The following GPR137B variants were observed in gnomAD, a reference collection of about 807,000 sequenced individuals.
GPR137B encodes the protein integral membrane protein GPR137B.
Under a neutral mutation model 42.5 loss-of-function variants are expected in GPR137B, and 42 were observed. That is an observed-to-expected ratio of 0.99 (90% CI 0.77 to 1.28). The LOEUF (loss-of-function observed/expected upper bound fraction) is 1.28, where lower values mean the gene tolerates loss of function less well. GPR137B is among the 50% of genes most tolerant of loss of function. The pLI, the probability that GPR137B is intolerant of heterozygous loss-of-function variation, is 0.00. For synonymous variants in GPR137B, 218 were observed against 209.7 expected (o/e 1.04, Z -0.34); for missense variants, 487 against 493.9 (o/e 0.99, Z 0.13).
intron 1 of GPR137B, among the ~76,000 whole-genome samples, chr1:236,147,185 G>T (rs529390745): frequency 4.7e-4 from 72 of 152,328 alleles, no homozygotes; most frequent in Non-Finnish European, 7.9e-4. Flanking sequence ...GCTTCGAGCT[G>T]CAGGGCTTGG....
At chr1:236,174,222 A>G (rs1233667497) in intron 2 of GPR137B, among the ~76,000 whole-genome samples, 1 of 152,230 alleles carries the variant, frequency 6.6e-6, no homozygotes, top group Non-Finnish European at 1.5e-5. Flanking sequence ...CTAAGATAAT[A>G]ACAGGCTTTT....
At chr1:236,159,490 C>T (rs946453200) in intron 1 of GPR137B, among the ~76,000 whole-genome samples, 9 of 151,856 alleles carry the variant, frequency 5.9e-5, no homozygotes, top group African/African-American at 2.2e-4. Context: ...ATTGTGAAAC[C>T]CCGTCTCTTT....
intron 1 of GPR137B, among the ~76,000 whole-genome samples, chr1:236,164,071 C>T (rs1433132010): frequency 6.6e-6 from 1 of 152,080 alleles, no homozygotes; most frequent in East Asian, 1.9e-4. Context: ...CCCCATGCCT[C>T]CCCACACCTC....
intron 5 of GPR137B, among the ~76,000 whole-genome samples, chr1:236,186,007 T>G (rs1373506487): frequency 2.6e-5 from 4 of 151,554 alleles, no homozygotes; most frequent in Non-Finnish European, 5.9e-5. Flanking sequence ...GACTTTCATA[T>G]GAATGGAATC....
chr1:236,160,501 C>G (rs541727079), intron 1 of GPR137B, among the ~76,000 whole-genome samples: 1 of 152,280 alleles, frequency 6.6e-6, no homozygotes, highest in African/African-American at 2.4e-5. Context: ...CTGCCTCCTG[C>G]CTCTCCCTGT....
At chr1:236,187,871 T>C (rs1571998210) in intron 5 of GPR137B, among the ~76,000 whole-genome samples, 1 of 152,140 alleles carries the variant, frequency 6.6e-6, no homozygotes, top group Admixed American at 6.5e-5. Context: ...GTGAAGAAAG[T>C]CAGTGGTAGC....
Position 236,177,811 on chromosome 1 carries a change from C to T in GPR137B, c.465-603C>T, listed in dbSNP as rs1199068529. On this transcript the variant is annotated intron_variant, in intron 2 of 6. Transcript: ENST00000366592. ...CCTCAAGCTATCCACCTGCCTTGGC[C>T]TCCCAAAGGACCGAGATTACAGGGG... Among the ~76,000 whole-genome samples, 4 of 151,946 alleles carry T rather than the reference C, an allele frequency of 2.6e-5. No homozygotes were observed. In the East Asian group the frequency reaches 7.7e-4, roughly 29 times the overall value.
chr1:236,175,370 C>T (rs796587894), intron 2 of GPR137B, among the ~76,000 whole-genome samples: 9 of 152,104 alleles, frequency 5.9e-5, no homozygotes, highest in African/African-American at 2.2e-4. Context: ...CATAAGTGGC[C>T]CCGCACAGTT....
intron 4 of GPR137B, 67 bp downstream of exon 4, chr1:236,180,095 C>T: frequency 5.0e-6 from 7 of 1,386,286 alleles, no homozygotes; most frequent in Non-Finnish European, 7.2e-6. Context: ...GCATTGGTTC[C>T]AGGACCCCAG....
In GPR137B at chr1:236,142,845, C is replaced by A. The variant is rs552590131; in HGVS notation, c.223C>A (p.Leu75Ile). 3.4e-5 allele frequency: 55 copies of A among 1,614,074 alleles called. No homozygotes were observed. The highest frequency in any genetic ancestry group is 4.5e-5 in the Non-Finnish European group (53 of 1,180,008). The change falls in exon 1 of 7, where the codon CTC (leucine) becomes ATC (isoleucine). Residue 75 changes from leucine to isoleucine, a missense_variant. Transcript: ENST00000366592. ...GGTGCTGCGTTACCGCCACAAGCGG[C>A]TCAGCTACCAGAGCGTCTTCCTCTT... ...WLVLRYRHKRLSYQSVFLFLC... is the reference protein window; with the variant it reads ...WLVLRYRHKRISYQSVFLFLC...
rs377577748 is a variant in GPR137B at position 236,142,901 on chromosome 1, C to A, written c.279C>A (p.Thr93=). The change falls in exon 1 of 7, where the codon ACC becomes ACA. Residue 93 remains threonine (T), a synonymous_variant. Transcript: ENST00000366592. ...FLCLFWASLR[T]VLFSFYFKDF... Reference sequence around the variant, plus strand: ...GCCTCTTCTGGGCCTCCCTGCGGACCGTCCTCTTCTCCTTCTACTTCAAAG... The same window carrying A: ...GCCTCTTCTGGGCCTCCCTGCGGACAGTCCTCTTCTCCTTCTACTTCAAAG... 6.2e-7 allele frequency: 1 copy of A among 1,614,114 alleles called. No individual in the cohort carries two copies. Among genetic ancestry groups the A allele is most frequent in the Non-Finnish European group, 8.5e-7 (1 of 1,180,026 alleles).
chr1:236,160,450 C>A (rs1403080764), intron 1 of GPR137B, among the ~76,000 whole-genome samples: 5 of 152,150 alleles, frequency 3.3e-5, no homozygotes, highest in African/African-American at 9.7e-5. Flanking sequence ...TTCCCTCAGA[C>A]CCCTCCTTGC....
At chr1:236,173,024 G>A (rs1022878666) in intron 2 of GPR137B, among the ~76,000 whole-genome samples, 6 of 151,260 alleles carry the variant, frequency 4.0e-5, no homozygotes, top group Admixed American at 6.6e-5. Context: ...AAAAAGCAGC[G>A]GCTCATGTTT....
chr1:236,143,283 C>T (rs1048442861), intron 1 of GPR137B, among the ~76,000 whole-genome samples: 2 of 152,260 alleles, frequency 1.3e-5, no homozygotes, highest in Non-Finnish European at 2.9e-5. Context: ...GCCGCTCACT[C>T]GCTGCCCCTG....
chr1:236,170,188 C>A lies in GPR137B; in HGVS notation c.464+1433C>A, dbSNP rs111390607. Among the ~76,000 whole-genome samples the A allele has an allele frequency of 6.7e-3, 1,013 of 152,080 alleles. 11 individuals are homozygous for A. The highest frequency in any genetic ancestry group is 0.011 in the Non-Finnish European group (726 of 68,012). The stretch of plus-strand genomic sequence containing the variant: ...GGAGAACTCCATTGCCAACGGCAAA[C>A]ATTTCTGAAAAGGTGACTCTGGCCA... On this transcript the variant is annotated intron_variant, in intron 2 of 6. Transcript: ENST00000366592.
chr1:236,204,539 C>G (rs1299037834), intron 5 of GPR137B, among the ~76,000 whole-genome samples: 1 of 152,060 alleles, frequency 6.6e-6, no homozygotes, highest in East Asian at 1.9e-4. Context: ...CTTTTCTTTA[C>G]TGGGAGACTT....
chr1:236,203,293 G>A (rs1219417054), intron 5 of GPR137B, among the ~76,000 whole-genome samples: 3 of 152,194 alleles, frequency 2.0e-5, no homozygotes, highest in Middle Eastern at 6.8e-3. Context: ...TAGCCAGGAT[G>A]GTCTTGATCT....
In GPR137B at chr1:236,156,140, T is replaced by C. The variant is rs1196501051; in HGVS notation, c.415-12566T>C. On this transcript the variant is annotated intron_variant, in intron 1 of 6. Coordinates refer to ENST00000366592, the MANE Select transcript of GPR137B (RefSeq NM_003272.4). The surrounding 1 kb of genome is among the most constrained non-coding windows in gnomAD (Gnocchi z 4.8). ...TGGAAATCCAGAGAAGCAATTATGG[T>C]TGGCTTCTGATCACGTGGGAAGAAG... Among the ~76,000 whole-genome samples the C allele has an allele frequency of 3.3e-5, 5 of 152,162 alleles. No homozygotes were observed. Among genetic ancestry groups the C allele is most frequent in the Non-Finnish European group, 1.5e-5 (1 of 68,022 alleles).
intron 6 of GPR137B, 118 bp from the exon 7 acceptor site, chr1:236,207,932 A>G: frequency 1.5e-6 from 1 of 688,406 alleles, no homozygotes; most frequent in Non-Finnish European, 2.4e-6. Flanking sequence ...GCCATTTAAA[A>G]GAACTTTAGA....
Sources: allele counts gnomAD v4.1 joint callset (sites outside exome capture counted in the v4.1 genomes callset), GRCh38; gene constraint gnomAD v4.1.1; non-coding constraint Gnocchi (gnomAD v3.1); transcripts MANE v1.5; gene names NCBI Gene and HGNC (gene_info 2026-07-23, HGNC 2026-07-21).